The following LRRC18 variants were observed in gnomAD, a reference collection of about 807,000 sequenced individuals.
LRRC18 encodes leucine-rich repeat-containing protein 18.
In LRRC18, 12 loss-of-function variants were observed where a neutral mutation model predicts 11.2. The ratio of observed to expected loss-of-function variants is 1.07; its 90% CI spans 0.69 to 1.74. The LOEUF (loss-of-function observed/expected upper bound fraction) is 1.74. Among genes scored for constraint, LRRC18 ranks in the 40% most tolerant of loss-of-function variants. The pLI is 0.00. For synonymous variants in LRRC18, 155 were observed against 130.6 expected, an observed-to-expected ratio of 1.19 and a Z score of -1.27; for missense variants, 374 against 330.5, an observed-to-expected ratio of 1.13 and a Z score of -1.02.
At chr10:48,939,453 T>C in the LRRC18 span, among the ~76,000 whole-genome samples, 17 of 152,236 alleles carry the variant, frequency 1.1e-4, no homozygotes, top group Middle Eastern at 3.4e-3. Flanking sequence ...GTGGTGGAGA[T>C]AGAATTTAGA....
chr10:48,938,446 A>G, the LRRC18 span, among the ~76,000 whole-genome samples: 1 of 152,208 alleles, frequency 6.6e-6, no homozygotes, highest in Non-Finnish European at 1.5e-5. Context: ...CTAACCCACC[A>G]TATCTGGAGG....
At chr10:48,913,711 C>A in exon 1 of LRRC18, 2 of 1,612,704 alleles carry the variant, frequency 1.2e-6, no homozygotes, top group Non-Finnish European at 1.7e-6. Context: ...TGGAGCCCTA[C>A]CTCGTGGAGC....
chr10:48,938,110 G>A, the LRRC18 span, among the ~76,000 whole-genome samples: 1 of 152,220 alleles, frequency 6.6e-6, no homozygotes, highest in Admixed American at 6.5e-5. Flanking sequence ...GCTTGCGTAT[G>A]CCTAGTGCTT....
chr10:48,932,958 G>C, the LRRC18 span, among the ~76,000 whole-genome samples: 6 of 152,288 alleles, frequency 3.9e-5, no homozygotes, highest in East Asian at 1.2e-3. Context: ...GGCAGTGCAA[G>C]GTGGGCCATG....
exon 1 of LRRC18, chr10:48,913,751 G>C (rs143092104): frequency 1.2e-6 from 2 of 1,613,734 alleles, no homozygotes; most frequent in East Asian, 4.5e-5. Context: ...TGGTGGGCAC[G>C]CTGTCCAGGT....
the LRRC18 span, among the ~76,000 whole-genome samples, chr10:48,931,096 A>AACACACACACAC: frequency 6.7e-6 from 1 of 150,254 alleles, no homozygotes; most frequent in Non-Finnish European, 1.5e-5. Context: ...CTCACACTCA[A>AACACACACACAC]ACACACACAC....
At chr10:48,925,241 A>G in the LRRC18 span, among the ~76,000 whole-genome samples, 3 of 152,218 alleles carry the variant, frequency 2.0e-5, no homozygotes, top group Non-Finnish European at 4.4e-5. Flanking sequence ...GTGGCTTCAG[A>G]TCACTCTGTG....
At chr10:48,915,688 C>T (rs1188866086), upstream of LRRC18, among the ~76,000 whole-genome samples, 2 of 152,166 alleles carry the variant, frequency 1.3e-5, no homozygotes, top group Non-Finnish European at 2.9e-5. Context: ...CTGAAAATCC[C>T]ACTGTCACCA....
chr10:48,919,210 A>G (rs557125884), upstream of LRRC18, among the ~76,000 whole-genome samples: 23 of 152,308 alleles, frequency 1.5e-4, no homozygotes, highest in South Asian at 4.2e-3. Flanking sequence ...AATTACACAT[A>G]TCAGGAGTTA....
At chr10:48,938,712 G>A in the LRRC18 span, among the ~76,000 whole-genome samples, 8 of 152,328 alleles carry the variant, frequency 5.3e-5, no homozygotes, top group South Asian at 8.3e-4. Flanking sequence ...TCTGAAGCTC[G>A]TCTGGGGGGG....
the LRRC18 span, among the ~76,000 whole-genome samples, chr10:48,921,640 A>G: frequency 6.6e-6 from 1 of 152,212 alleles, no homozygotes; most frequent in Non-Finnish European, 1.5e-5. Flanking sequence ...AAGACAAGCT[A>G]CAGACTGGAA....
At chr10:48,939,358 T>C in the LRRC18 span, among the ~76,000 whole-genome samples, 1 of 152,328 alleles carries the variant, frequency 6.6e-6, no homozygotes, top group Middle Eastern at 3.4e-3. Context: ...CCCACACCCC[T>C]GTGTGACAGG....
chr10:48,924,555 A>G, the LRRC18 span, among the ~76,000 whole-genome samples: 4 of 152,260 alleles, frequency 2.6e-5, no homozygotes, highest in Non-Finnish European at 1.5e-5. Context: ...TTCATTTCAC[A>G]TGAACAGCTT....
At chr10:48,918,700 A>C (rs980820299), upstream of LRRC18, among the ~76,000 whole-genome samples, 5 of 152,222 alleles carry the variant, frequency 3.3e-5, no homozygotes, top group Non-Finnish European at 7.3e-5. Flanking sequence ...GGGTTTCTCA[A>C]CCTTGGCTCT....
upstream of LRRC18, among the ~76,000 whole-genome samples, chr10:48,915,367 T>C (rs1838419061): frequency 6.6e-6 from 1 of 151,622 alleles, no homozygotes; most frequent in South Asian, 2.1e-4. Flanking sequence ...TCTGTTTGGT[T>C]CTGGGACCCC....
At chr10:48,910,295 C>T in intron 1 of LRRC18, 37 bp from the exon 4 acceptor site, 1 of 1,604,844 alleles carries the variant, frequency 6.2e-7, no homozygotes, top group Non-Finnish European at 8.5e-7. Context: ...GGCAATTGCT[C>T]CAGGCCACAG....
At chr10:48,921,031 T>A in the LRRC18 span, among the ~76,000 whole-genome samples, 1 of 152,178 alleles carries the variant, frequency 6.6e-6, no homozygotes, top group Non-Finnish European at 1.5e-5. Context: ...AAACATACCA[T>A]GTTCGTGAAT....
At chr10:48,912,321 G>T (rs935480726) in intron 1 of LRRC18, among the ~76,000 whole-genome samples, 1 of 152,206 alleles carries the variant, frequency 6.6e-6, no homozygotes, top group Non-Finnish European at 1.5e-5. Flanking sequence ...TGTTTTAGAG[G>T]CACAGAACAC....
At chr10:48,929,894 G>C in the LRRC18 span, among the ~76,000 whole-genome samples, 7 of 152,044 alleles carry the variant, frequency 4.6e-5, no homozygotes, top group African/African-American at 1.7e-4. Context: ...TAATAAAGCA[G>C]ACTGACCTTC....
Sources: gnomAD v4.1 joint callset for allele counts (sites outside exome capture counted in the v4.1 genomes callset) on GRCh38, gnomAD v4.1.1 for gene constraint, MANE v1.5 for transcripts, NCBI Gene and HGNC (gene_info 2026-07-23, HGNC 2026-07-21) for gene names.